IGFL2: variants seen among roughly 807,000 people sequenced by gnomAD.
The protein encoded by IGFL2 is IGF like family member 2.
A neutral mutation model predicts 13.9 loss-of-function variants in IGFL2; 7 were observed. The observed-to-expected ratio is 0.51, with a 90% confidence interval of 0.29 to 0.95. The LOEUF (loss-of-function observed/expected upper bound fraction) is 0.95. IGFL2 is among the 40% of genes least tolerant of loss of function. The pLI is 0.08. For missense variants in IGFL2, 138 were observed against 147.8 expected (o/e 0.93, Z 0.34); for synonymous variants, 55 against 55.8 (o/e 0.99, Z 0.07).
chr19:46,144,265 T>C (rs1329634875), upstream of IGFL2, among the ~76,000 whole-genome samples: 1 of 152,248 alleles, frequency 6.6e-6, no homozygotes, highest in Non-Finnish European at 1.5e-5. Flanking sequence ...TAATTTCATA[T>C]ATTTTAAATG....
At chr19:46,095,463 C>T in the IGFL2 span, among the ~76,000 whole-genome samples, 1 of 152,076 alleles carries the variant, frequency 6.6e-6, no homozygotes, top group Non-Finnish European at 1.5e-5. Flanking sequence ...AAACATTCTC[C>T]CATTCTGCAG....
At chr19:46,211,384 C>T in the IGFL2 span, among the ~76,000 whole-genome samples, 4 of 152,218 alleles carry the variant, frequency 2.6e-5, no homozygotes, top group African/African-American at 9.7e-5. Flanking sequence ...ACCCGGCCTT[C>T]CTTCTACATA....
chr19:46,088,025 C>T, the IGFL2 span, among the ~76,000 whole-genome samples: 1 of 152,314 alleles, frequency 6.6e-6, no homozygotes, highest in South Asian at 2.1e-4. Flanking sequence ...GAGGGGCTCT[C>T]CTGTGGCTAG....
the IGFL2 span, among the ~76,000 whole-genome samples, chr19:46,084,064 G>T: frequency 1.3e-5 from 2 of 152,134 alleles, no homozygotes; most frequent in African/African-American, 4.8e-5. Flanking sequence ...GATTGGTCAG[G>T]AACATGTTGT....
the IGFL2 span, among the ~76,000 whole-genome samples, chr19:46,087,496 T>C: frequency 6.6e-6 from 1 of 152,112 alleles, no homozygotes; most frequent in Non-Finnish European, 1.5e-5. Flanking sequence ...AGATGATGTA[T>C]GTAGGCACTG....
the IGFL2 span, among the ~76,000 whole-genome samples, chr19:46,130,912 T>C: frequency 1.3e-5 from 2 of 152,156 alleles, no homozygotes; most frequent in Non-Finnish European, 2.9e-5. Flanking sequence ...GTCTTCTTTT[T>C]TGAGATATTT....
downstream of IGFL2, among the ~76,000 whole-genome samples, chr19:46,163,559 A>G (rs1370397615): frequency 6.6e-6 from 1 of 152,150 alleles, no homozygotes; most frequent in African/African-American, 2.4e-5. Flanking sequence ...GGAGGTGTGA[A>G]TAAAGCGCTT....
chr19:46,158,929 G>A (rs905572197), intron 1 of IGFL2: 3 of 152,182 alleles, frequency 2.0e-5, no homozygotes, highest in Non-Finnish European at 2.9e-5. Flanking sequence ...TTACTGCCCG[G>A]GTCCTGCCAG....
chr19:46,120,329 T>C, the IGFL2 span: 8 of 1,610,982 alleles, frequency 5.0e-6, 1 homozygote, highest in African/African-American at 6.8e-5. Context: ...GCCTGGGGTT[T>C]TTATGGGTAC....
chr19:46,179,219 G>A, the IGFL2 span, among the ~76,000 whole-genome samples: 1 of 150,976 alleles, frequency 6.6e-6, no homozygotes, highest in Non-Finnish European at 1.5e-5. Flanking sequence ...AGCAGAGCTG[G>A]TCATGGGGTG....
chr19:46,151,556 C>T (rs1019160918), intron 1 of IGFL2, among the ~76,000 whole-genome samples: 11 of 152,026 alleles, frequency 7.2e-5, no homozygotes, highest in African/African-American at 2.2e-4. Flanking sequence ...TTTTCAAGAT[C>T]GTTTTAGTTA....
chr19:46,124,192 G>T, the IGFL2 span: 75 of 1,609,808 alleles, frequency 4.7e-5, 5 homozygotes, highest in Admixed American at 1.3e-3. Context: ...ATCCAAGGAA[G>T]AACAGATACT....
At chr19:46,158,394 A>G (rs1973939857) in intron 1 of IGFL2, among the ~76,000 whole-genome samples, 1 of 151,930 alleles carries the variant, frequency 6.6e-6, no homozygotes, top group African/African-American at 2.4e-5. Context: ...TATTTTTAGT[A>G]GAGATGGGGT....
chr19:46,167,517 A>G, the IGFL2 span, among the ~76,000 whole-genome samples: 1 of 152,156 alleles, frequency 6.6e-6, no homozygotes, highest in Admixed American at 6.5e-5. Context: ...CCACCCAGAA[A>G]ACCACCATAA....
the IGFL2 span, chr19:46,213,743 C>T: frequency 6.5e-6 from 1 of 154,290 alleles, no homozygotes; most frequent in Non-Finnish European, 1.5e-5. Flanking sequence ...ATGTCAGTGC[C>T]AGTCGTATCT....
the IGFL2 span, among the ~76,000 whole-genome samples, chr19:46,195,463 A>G: frequency 3.2e-4 from 48 of 152,190 alleles, no homozygotes; most frequent in Non-Finnish European, 1.0e-4. Context: ...AACATTGCCT[A>G]TAAGCAACTT....
the IGFL2 span, chr19:46,211,606 C>T: frequency 6.6e-6 from 1 of 152,082 alleles, no homozygotes; most frequent in Non-Finnish European, 1.5e-5. Flanking sequence ...TTTCACATTC[C>T]AGAAGCCAAG....
In IGFL2 at chr19:46,160,450, T is replaced by A. The variant is rs780688087; in HGVS notation, c.55T>A (p.Cys19Ser). The A allele has an allele frequency of 4.3e-6, 7 of 1,613,690 alleles. No homozygotes were observed. The East Asian group carries it at 1.6e-4, about 36-fold the overall frequency. ...TGTGTCAGTCTGTCTCCTCCTCTTG[T>A]GTCCAAGGGAAGTCATCGGTGAGTA... ...AYVSVCLLLL[C>S]PREVIAPAGS... The change falls in exon 2 of 4, where the codon TGT becomes AGT. Residue 19 changes from cysteine to serine, a missense_variant. By Grantham distance (112) the Cys-to-Ser change is moderately radical. Transcript: ENST00000377693.
chr19:46,207,858 A>G, the IGFL2 span: 1 of 152,252 alleles, frequency 6.6e-6, no homozygotes, highest in Admixed American at 6.5e-5. Context: ...TGGGTTCATC[A>G]GATTGGACTC....
Sources: allele counts gnomAD v4.1 joint callset (sites outside exome capture counted in the v4.1 genomes callset), GRCh38; gene constraint gnomAD v4.1.1; transcripts MANE v1.5; gene names NCBI Gene and HGNC (gene_info 2026-07-23, HGNC 2026-07-21).